Variants in ZSCAN12 observed in about 807,000 individuals in gnomAD.
ZSCAN12 encodes zinc finger and SCAN domain containing 12, also known as zinc finger and SCAN domain-containing protein 12.
ZSCAN12 carries 18 observed loss-of-function variants against 23.4 expected under a neutral mutation model. That is an observed-to-expected ratio of 0.77 (90% confidence interval 0.53 to 1.14). The LOEUF (loss-of-function observed/expected upper bound fraction) is 1.14. Ranked by LOEUF, ZSCAN12 falls within the 50% of genes most tolerant of loss-of-function variation. The pLI is 0.00. For missense variants in ZSCAN12, 650 were observed against 735.0 expected (o/e 0.88, Z 1.34); for synonymous variants, 186 against 253.4 (o/e 0.73, Z 2.53).
chr6:28,390,324 A>T lies in ZSCAN12; in HGVS notation c.*130T>A. 1 of 673,976 alleles carries T rather than the reference A, an allele frequency of 1.5e-6. No individual in the cohort carries two copies. The highest frequency in any genetic ancestry group is 2.3e-6 in the Non-Finnish European group (1 of 427,462). 41.7% of individuals were successfully genotyped at this position (673,976 alleles called of 1,614,324 possible). On this transcript the variant is annotated 3_prime_UTR_variant, in exon 4 of 4. Coordinates refer to ENST00000684592, the MANE Select transcript of ZSCAN12 (RefSeq NM_001163391.2). Reference sequence around the variant, plus strand: ...CAGCACGTAGTACAATGGGCAGCACACAGTGAATTCTTATTAAATATCTGA... The same window carrying T: ...CAGCACGTAGTACAATGGGCAGCACTCAGTGAATTCTTATTAAATATCTGA...
intron 2 of ZSCAN12, among the ~76,000 whole-genome samples, chr6:28,396,110 C>G (rs1162135673): frequency 6.6e-6 from 1 of 150,794 alleles, no homozygotes; most frequent in Non-Finnish European, 1.5e-5. Context: ...GCCTCGATCT[C>G]CTGGGCTCAA....
At chr6:28,380,730 C>T (rs1342297322), downstream of ZSCAN12, 1 of 153,714 alleles carries the variant, frequency 6.5e-6, no homozygotes, top group Non-Finnish European at 1.5e-5. Flanking sequence ...TAATGACTCA[C>T]CATAAACTAA....
At chr6:28,381,576 A>G (rs1760242568), downstream of ZSCAN12, 1 of 152,234 alleles carries the variant, frequency 6.6e-6, no homozygotes, top group South Asian at 2.1e-4. Context: ...CGAATCAGGT[A>G]GATAATGAGA....
chr6:28,392,066 A>T (rs921519146), intron 3 of ZSCAN12, among the ~76,000 whole-genome samples: 1 of 152,214 alleles, frequency 6.6e-6, no homozygotes, highest in Non-Finnish European at 1.5e-5. Context: ...TTACCTACTT[A>T]AAAAATTAAA....
At chr6:28,393,971 C>G (rs1264189212) in intron 2 of ZSCAN12, among the ~76,000 whole-genome samples, 2 of 152,158 alleles carry the variant, frequency 1.3e-5, no homozygotes, top group Non-Finnish European at 2.9e-5. Flanking sequence ...CACCCTCATA[C>G]TCCTCTCCAT....
chr6:28,379,340 G>T (rs1760110354), exon 5 of ZSCAN12: 1 of 152,218 alleles, frequency 6.6e-6, no homozygotes. Flanking sequence ...GGTGGCTCAT[G>T]CCTGTAATCC....
Position 28,390,646 on chromosome 6 carries a change from A to C in ZSCAN12, c.1644T>G (p.Thr548=). 1.2e-6 allele frequency: 2 copies of C among 1,613,494 alleles called. No homozygotes were observed. The highest frequency in any genetic ancestry group is 1.7e-6 in the Non-Finnish European group (2 of 1,179,740). ...CATCACATTGGTAGGGCTTCTCCCC[A>C]GTGTGGATTCTCTGATGCTGAATGA... ...TSLIQHQRIH[T]GEKPYQCDEC... The change falls in exon 4 of 4, where the codon ACT becomes ACG. Residue 548 remains threonine, a synonymous_variant. Coordinates refer to ENST00000684592, the MANE Select transcript of ZSCAN12 (RefSeq NM_001163391.2).
At position 28,393,685 on chromosome 6, in the gene ZSCAN12, C is replaced by G. The variant is rs111514936; in HGVS notation, c.403-639G>C. On this transcript the variant is annotated intron_variant, in intron 2 of 3. Transcript: ENST00000684592. ...GAGCCCAGTTCAAGGTTATAGTGAA[C>G]TATGATTACACTACTGAACTCCAGC... is the stretch of plus-strand genomic sequence containing the variant. Among the ~76,000 whole-genome samples the G allele has an allele frequency of 1.4e-3, 193 of 137,076 alleles. 1 individual carries two copies. The highest frequency in any genetic ancestry group is 5.0e-3 in the African/African-American group (180 of 36,250). The allele number at this position is 137,076 out of a possible 152,430, so 89.9% of individuals were successfully genotyped here. A position where few individuals can be genotyped will look rare whatever the true frequency, so the allele number is the denominator to read the frequency against.
At chr6:28,381,526 C>T (rs1194413644), downstream of ZSCAN12, 1 of 152,080 alleles carries the variant, frequency 6.6e-6, no homozygotes, top group Non-Finnish European at 1.5e-5. Context: ...AAAAACAAAA[C>T]CCCAATCCCC....
chr6:28,380,305 C>T (rs767076918), downstream of ZSCAN12: 2 of 152,198 alleles, frequency 1.3e-5, no homozygotes, highest in Non-Finnish European at 2.9e-5. Flanking sequence ...AAGACTTTTC[C>T]GTACTCATCA....
Position 28,388,178 on chromosome 6 carries a change from C to T in ZSCAN12, c.*2276G>A, listed in dbSNP as rs914948831. Among the ~76,000 whole-genome samples, 3 of 152,128 alleles carry T rather than the reference C, an allele frequency of 2.0e-5. No homozygotes were observed. The highest frequency in any genetic ancestry group is 7.2e-5 in the African/African-American group (3 of 41,436). On this transcript the variant is annotated 3_prime_UTR_variant, in exon 4 of 4. Coordinates refer to ENST00000684592, the MANE Select transcript of ZSCAN12 (RefSeq NM_001163391.2). ...TTCCTGGAGGAAAAAAACTAGGTTT[C>T]CAATCCCAGTTGCCTCAGTGCCTCA... is the stretch of plus-strand genomic sequence containing the variant.
chr6:28,382,786 C>T (rs941237305), downstream of ZSCAN12, among the ~76,000 whole-genome samples: 3 of 152,202 alleles, frequency 2.0e-5, no homozygotes, highest in African/African-American at 7.2e-5. Flanking sequence ...TAGCCTTTTA[C>T]TCTCTAAAAG....
At chr6:28,393,936 A>G (rs1474149942) in intron 2 of ZSCAN12, among the ~76,000 whole-genome samples, 1 of 152,014 alleles carries the variant, frequency 6.6e-6, no homozygotes, top group African/African-American at 2.4e-5. Flanking sequence ...CTCAAAAATC[A>G]TCTACTCTTC....
At position 28,398,749 on chromosome 6, in the gene ZSCAN12, C is replaced by G. The variant is rs71559080; in HGVS notation, c.-68-276G>C. On this transcript the variant is annotated intron_variant, in intron 1 of 3. Transcript: ENST00000684592. ...TGGCTAACATGGTGAAACCCCGTCT[C>G]TACTAAAAATACAAAAAAAAAAAAA... Among the ~76,000 whole-genome samples, 95 of 131,904 alleles carry G rather than the reference C, an allele frequency of 7.2e-4. 3 individuals are homozygous for G. The highest frequency in any genetic ancestry group is 3.7e-4 in the Non-Finnish European group (23 of 62,496). 86.5% of individuals were successfully genotyped at this position (131,904 alleles called of 152,430 possible).
At position 28,391,172 on chromosome 6, in the gene ZSCAN12, A is replaced by G; in HGVS notation, c.1118T>C (p.Leu373Pro). The change falls in exon 4 of 4, where the codon CTC (leucine) becomes CCC (proline). Residue 373 changes from leucine to proline, a missense_variant. Transcript: ENST00000684592. This position sits in a 1 kb window ranked among gnomAD's most constrained non-coding sequence, Gnocchi z 4.1. Reference protein sequence around the residue: ...CGKAFSQKAGLFHHIKIHTRD... With the variant: ...CGKAFSQKAGPFHHIKIHTRD... ...TGTGTGGATCTTGATATGGTGAAAG[A>G]GGCCTGCTTTCTGACTAAAGGCTTT... The G allele has an allele frequency of 6.4e-7, 1 of 1,551,028 alleles. No individual in the cohort carries two copies. Among genetic ancestry groups the G allele is most frequent in the Non-Finnish European group, 8.7e-7 (1 of 1,146,728 alleles).
Position 28,390,118 on chromosome 6 carries a change from G to A in ZSCAN12, c.*336C>T, listed in dbSNP as rs997201314. On this transcript the variant is annotated 3_prime_UTR_variant, in exon 4 of 4. Coordinates refer to ENST00000684592, the MANE Select transcript of ZSCAN12 (RefSeq NM_001163391.2). ...TGACCACTCCAGGCAAAAGTAACCTGTCCTTTAGAATTTACAGCACTTATA... is the reference window on the plus strand; with the variant it reads ...TGACCACTCCAGGCAAAAGTAACCTATCCTTTAGAATTTACAGCACTTATA... 3.4e-5 allele frequency among the ~76,000 whole-genome samples: 5 copies of A among 146,448 alleles called. No homozygotes were observed. Among genetic ancestry groups the A allele is most frequent in the African/African-American group, 1.3e-4 (5 of 37,516 alleles).
chr6:28,398,020 T>C lies in ZSCAN12; in HGVS notation c.386A>G (p.Asp129Gly). The C allele has an allele frequency of 6.2e-7, 1 of 1,600,142 alleles. No homozygotes were observed. Among genetic ancestry groups the C allele is most frequent in the Non-Finnish European group, 8.5e-7 (1 of 1,174,556 alleles). ...TTTTCTCACCTGCTCTCCTGGTTCATCCAGTTCTCTCTCTAAATCCTCCAG... is the reference window on the plus strand; with the variant it reads ...TTTTCTCACCTGCTCTCCTGGTTCACCCAGTTCTCTCTCTAAATCCTCCAG... ...TVLEDLEREL[D>G]EPGEQVSVHT... Residue 129 changes from aspartate to glycine, a missense_variant, in exon 2 of 4, where the codon GAT becomes GGT. Coordinates refer to ENST00000684592, the MANE Select transcript of ZSCAN12 (RefSeq NM_001163391.2).
intron 2 of ZSCAN12, among the ~76,000 whole-genome samples, chr6:28,395,365 ACTTT>A (rs935567390): frequency 1.3e-5 from 2 of 152,174 alleles, no homozygotes; most frequent in African/African-American, 4.8e-5. Context: ...TCCTTAACTT[ACTTT>A]CTCTCATATT....
At chr6:28,380,223 A>G (rs1489298825), downstream of ZSCAN12, 4 of 152,178 alleles carry the variant, frequency 2.6e-5, no homozygotes, top group African/African-American at 9.7e-5. Flanking sequence ...ACAAGTTTCC[A>G]CAATCCTCTC....
Sources: gnomAD v4.1 joint callset for allele counts (sites outside exome capture counted in the v4.1 genomes callset) on GRCh38, gnomAD v4.1.1 for gene constraint, Gnocchi (gnomAD v3.1) non-coding constraint, MANE v1.5 for transcripts, NCBI Gene and HGNC (gene_info 2026-07-23, HGNC 2026-07-21) for gene names.